The following FAT1 variants were observed in gnomAD, a reference collection of about 807,000 sequenced individuals.
FAT1 encodes protocadherin Fat 1.
Under a neutral mutation model 329.8 loss-of-function variants are expected in FAT1, and 171 were observed. The ratio of observed to expected loss-of-function variants is 0.52; its 90% CI spans 0.46 to 0.59. The LOEUF (loss-of-function observed/expected upper bound fraction) is 0.59. Ranked by LOEUF, FAT1 falls within the 20% of genes least tolerant of loss-of-function variation. FAT1 has a pLI of 0.00. For missense variants in FAT1, 5,672 were observed against 5,774.4 expected, an observed-to-expected ratio of 0.98 and a Z score of 0.57; for synonymous variants, 2,233 against 2,228.6, an observed-to-expected ratio of 1.00 and a Z score of -0.06.
rs751947090 is a variant in FAT1 at position 186,617,835 on chromosome 4, T to C, written c.8751A>G (p.Arg2917=). 3.7e-6 allele frequency: 6 copies of C among 1,613,780 alleles called. No individual in the cohort carries two copies. In the Admixed American group the frequency reaches 8.3e-5, roughly 22 times the overall value. ...TCCCTTTATAGATCTCGGCCGTGAA[T>C]CGTGGTGGACTATCGTTGACATCGG... is the stretch of plus-strand genomic sequence containing the variant. The part of the protein sequence containing the change: ...TVTDVNDSPP[R]FTAEIYKGTV... The change falls in exon 10 of 27, where the codon CGA becomes CGG. Residue 2917 remains arginine (R), a synonymous_variant. Transcript: ENST00000441802.
chr4:186,646,991 T>C (rs1292638498), intron 3 of FAT1, among the ~76,000 whole-genome samples: 1 of 152,194 alleles, frequency 6.6e-6, no homozygotes, highest in Non-Finnish European at 1.5e-5. Context: ...GTGACTAAAT[T>C]AAATCTATGT....
At chr4:186,615,972 C>T (rs769632186) in intron 11 of FAT1, among the ~76,000 whole-genome samples, 125 of 152,136 alleles carry the variant, frequency 8.2e-4, no homozygotes, top group Non-Finnish European at 1.4e-3. Context: ...AACCAGCCCC[C>T]GGCTCAGACT....
At chr4:186,711,777 G>C (rs1744967307) in intron 1 of FAT1, among the ~76,000 whole-genome samples, 1 of 152,078 alleles carries the variant, frequency 6.6e-6, no homozygotes, top group Non-Finnish European at 1.5e-5. Context: ...AAAATTAGCA[G>C]GATATGGTGG....
Position 186,679,377 on chromosome 4 carries a change from A to G in FAT1, c.3266-15764T>C, listed in dbSNP as rs1197525072. On this transcript the variant is annotated intron_variant, in intron 2 of 26. Transcript: ENST00000441802. The stretch of plus-strand genomic sequence containing the variant: ...GCTTGCAGTGAGCTGAGATCGCACC[A>G]CTGCACTCCAGCCTGGGTGACAGAG... Among the ~76,000 whole-genome samples, 8 of 137,584 alleles carry G rather than the reference A, an allele frequency of 5.8e-5. No homozygotes were observed. In the East Asian group the frequency reaches 1.1e-3, roughly 19 times the overall value. The allele number at this position is 137,584 out of a possible 152,430, so 90.3% of individuals were successfully genotyped here. A position where few individuals can be genotyped will look rare whatever the true frequency, so the allele number is the denominator to read the frequency against.
At chr4:186,612,153 G>T (rs1188554999) in intron 13 of FAT1, among the ~76,000 whole-genome samples, 6 of 149,848 alleles carry the variant, frequency 4.0e-5, no homozygotes, top group Non-Finnish European at 8.9e-5. Flanking sequence ...AATTTTTTTA[G>T]AAGGGTAAAC....
At chr4:186,699,801 C>T (rs1433699818) in intron 2 of FAT1, among the ~76,000 whole-genome samples, 1 of 151,694 alleles carries the variant, frequency 6.6e-6, no homozygotes, top group Non-Finnish European at 1.5e-5. Flanking sequence ...TAAAATAATC[C>T]AAAAAGTAAA....
chr4:186,598,424 G>A (rs1190542801), intron 22 of FAT1: 1 of 253,742 alleles, frequency 3.9e-6, no homozygotes, highest in Non-Finnish European at 7.4e-6. Flanking sequence ...CATGTACGTA[G>A]ACAGCACCAC....
At chr4:186,667,943 T>C (rs1403812660) in intron 2 of FAT1, among the ~76,000 whole-genome samples, 2 of 152,142 alleles carry the variant, frequency 1.3e-5, no homozygotes, top group Admixed American at 6.5e-5. Context: ...ACAGCAACAC[T>C]GTCGGACACC....
Position 186,707,018 on chromosome 4 carries a change from C to T in FAT1, c.2810G>A (p.Arg937Gln), listed in dbSNP as rs765299769. The change falls in exon 2 of 27, where the codon CGA becomes CAA. Residue 937 changes from arginine to glutamine, a missense_variant. By Grantham distance (43) the Arg-to-Gln change is conservative. This residue lies in a region of FAT1 where 3,966 missense variants were observed against 3,915.2 expected (regional missense o/e 1.01). Transcript: ENST00000441802. ...GACGGTTCCTTCTGGAAGATCCTCT[C>T]GGACTTTCACACGATAATTAGGTGG... ...FIPPNYRVKV[R>Q]EDLPEGTVIM... 7.4e-6 allele frequency: 12 copies of T among 1,613,942 alleles called. No homozygotes were observed. The highest frequency in any genetic ancestry group is 5.0e-5 in the Admixed American group (3 of 60,014).
intron 1 of FAT1, among the ~76,000 whole-genome samples, chr4:186,713,409 A>C (rs1245076534): frequency 6.6e-6 from 1 of 152,006 alleles, no homozygotes; most frequent in African/African-American, 2.4e-5. Flanking sequence ...AGTCGTTTCC[A>C]CCACACCGTA....
chr4:186,631,881 A>ACCCCCCCCC (rs1445160908), intron 7 of FAT1, among the ~76,000 whole-genome samples: 1 of 146,750 alleles, frequency 6.8e-6, no homozygotes, highest in African/African-American at 2.5e-5. Context: ...CAGCTGCTGC[A>ACCCCCCCCC]CCCCCCTCCC....
chr4:186,700,139 T>G (rs1458897279), intron 2 of FAT1, among the ~76,000 whole-genome samples: 3 of 152,134 alleles, frequency 2.0e-5, no homozygotes, highest in African/African-American at 7.2e-5. Flanking sequence ...AACGATGGCC[T>G]CATGTAACTC....
chr4:186,690,555 G>T (rs1385975738), intron 2 of FAT1, among the ~76,000 whole-genome samples: 1 of 152,026 alleles, frequency 6.6e-6, no homozygotes, highest in Non-Finnish European at 1.5e-5. Flanking sequence ...AATTTAGCTA[G>T]GTGTGGTGGC....
chr4:186,726,491 A>G (rs1430925138), upstream of FAT1: 2 of 132,968 alleles, frequency 1.5e-5, no homozygotes, highest in Non-Finnish European at 3.1e-5. Flanking sequence ...GTCCCTAACC[A>G]GAGTGCCAAC....
At position 186,618,916 on chromosome 4, in the gene FAT1, T is replaced by G. The variant is rs1379183802; in HGVS notation, c.7670A>C (p.Glu2557Ala). 3.1e-6 allele frequency: 5 copies of G among 1,613,970 alleles called. No homozygotes were observed. The highest frequency in any genetic ancestry group is 4.2e-6 in the Non-Finnish European group (5 of 1,179,884). ...QIFTLEKLDR[E>A]TPAEKVISVR... Reference sequence around the variant, plus strand: ...TGAGATCACTTTCTCCGCCGGGGTTTCTCGATCAAGTTTTTCCAAAGTAAA... The same window carrying G: ...TGAGATCACTTTCTCCGCCGGGGTTGCTCGATCAAGTTTTTCCAAAGTAAA... The change falls in exon 10 of 27, where the codon GAA becomes GCA. Residue 2557 changes from glutamate (E) to alanine (A), a missense_variant. Physicochemically the swap from Glu to Ala is moderately radical, Grantham distance 107. Around this residue, in one of 2 missense-constraint regions of FAT1, gnomAD observed 3,966 missense variants for 3,915.2 expected, o/e 1.01. Coordinates refer to ENST00000441802, the MANE Select transcript of FAT1 (RefSeq NM_005245.4).
chr4:186,604,521 A>G lies in FAT1; in HGVS notation c.10404T>C (p.Asp3468=), dbSNP rs1296399544. Residue 3468 remains aspartate (D), a synonymous_variant, in exon 18 of 27, where the codon GAT becomes GAC. Coordinates refer to ENST00000441802, the MANE Select transcript of FAT1 (RefSeq NM_005245.4). ...AGAAGGGTGGACCGTTATGGGAAGA[A>G]TCCTCATCTGTTACTACCAGCTGCA... is the stretch of plus-strand genomic sequence containing the variant. ...SVLQLVVTDE[D]SSHNGPPFFF... 2 of 1,613,796 alleles carry G rather than the reference A, an allele frequency of 1.2e-6. No individual in the cohort carries two copies. Among genetic ancestry groups the G allele is most frequent in the Non-Finnish European group, 1.7e-6 (2 of 1,179,742 alleles).
intron 3 of FAT1, among the ~76,000 whole-genome samples, chr4:186,662,935 C>T (rs1410058998): frequency 1.3e-5 from 2 of 151,970 alleles, no homozygotes; most frequent in African/African-American, 4.8e-5. Context: ...CCCCCGGGTT[C>T]ACGCCATTCT....
chr4:186,654,266 A>C (rs1033487354), intron 3 of FAT1, among the ~76,000 whole-genome samples: 2 of 152,206 alleles, frequency 1.3e-5, no homozygotes, highest in African/African-American at 4.8e-5. Context: ...TGTAAAGATG[A>C]AGTCTGTGGA....
At chr4:186,706,455 G>T in intron 2 of FAT1, 108 bp downstream of exon 2, 2 of 1,197,902 alleles carry the variant, frequency 1.7e-6, no homozygotes, top group Non-Finnish European at 2.3e-6. Context: ...TCTATACCGA[G>T]CCCAAAGAGC....
Sources: allele counts gnomAD v4.1 joint callset (sites outside exome capture counted in the v4.1 genomes callset), GRCh38; gene constraint gnomAD v4.1.1; regional missense constraint gnomAD v4.1.1; transcripts MANE v1.5; gene names NCBI Gene and HGNC (gene_info 2026-07-23, HGNC 2026-07-21).